The following SLC7A5 variants were observed in gnomAD, a reference collection of about 807,000 sequenced individuals.
SLC7A5 encodes solute carrier family 7 member 5, also known as large neutral amino acids transporter small subunit 1.
SLC7A5 carries 23 observed loss-of-function variants against 50.2 expected under a neutral mutation model. The observed-to-expected ratio is 0.46, with a 90% CI of 0.33 to 0.65. SLC7A5 has a LOEUF of 0.65. SLC7A5 is among the 30% of genes least tolerant of loss of function. The probability of loss-of-function intolerance (pLI) is 0.02; values close to 1 mark genes in which losing one functional copy is unlikely to be tolerated. For synonymous variants in SLC7A5, 393 were observed against 330.6 expected (o/e 1.19, Z -2.05); for missense variants, 578 against 684.4 (o/e 0.84, Z 1.73).
chr16:87,845,540 C>G (rs2055142607), intron 2 of SLC7A5, among the ~76,000 whole-genome samples: 1 of 152,026 alleles, frequency 6.6e-6, no homozygotes, highest in Non-Finnish European at 1.5e-5. Flanking sequence ...ACGCCCACCC[C>G]ACGGAGTCCA....
rs2055239009 is a variant in SLC7A5 at position 87,852,308 on chromosome 16, C to G, written c.539-459G>C. On this transcript the variant is annotated intron_variant, in intron 1 of 9. Transcript: ENST00000261622. This position sits in a 1 kb window ranked among gnomAD's most constrained non-coding sequence, Gnocchi z 4.5. The stretch of plus-strand genomic sequence containing the variant: ...TGCCGGACTCCATGAGGGCGGGGCC[C>G]TTTCCTCAAAGAGGATCTTCTGTGG... Among the ~76,000 whole-genome samples the G allele has an allele frequency of 6.6e-6, 1 of 152,212 alleles. No homozygotes were observed. Among genetic ancestry groups the G allele is most frequent in the South Asian group, 2.1e-4 (1 of 4,830 alleles).
rs3829508 is a variant in SLC7A5, at chr16:87,869,437, C to A, written c.-15G>T. On this transcript the variant is annotated 5_prime_UTR_variant, in exon 1 of 10. Transcript: ENST00000261622. ...GCACCCGCCATGCTCTGCGCACCGG[C>A]CGGGCCTGGGACACCCGGGAGCCGC... 35 of 1,435,906 alleles carry A rather than the reference C, an allele frequency of 2.4e-5. No individual in the cohort carries two copies. In the East Asian group the frequency reaches 9.2e-4, roughly 38 times the overall value. The allele number at this position is 1,435,906 out of a possible 1,614,324, so 88.9% of individuals were successfully genotyped here. A position where few individuals can be genotyped will look rare whatever the true frequency, so the allele number is the denominator to read the frequency against.
chr16:87,839,825 T>G lies in SLC7A5; in HGVS notation c.816A>C (p.Arg272Ser). The G allele has an allele frequency of 6.2e-7, 1 of 1,613,690 alleles. No homozygotes were observed. The change falls in exon 5 of 10, where the codon AGA becomes AGC. Residue 272 changes from arginine (R) to serine (S), a missense_variant and splice_region_variant. This residue lies in a region of SLC7A5 where 465 missense variants were observed against 594.6 expected (regional missense o/e 0.78). Coordinates refer to ENST00000261622, the MANE Select transcript of SLC7A5 (RefSeq NM_003486.7). Reference sequence around the variant, plus strand: ...AGATGATGATGGCCAGGGGCAGGTTTCTGGAAAGAACAGGGACGACATGTC... The same window carrying G: ...AGATGATGATGGCCAGGGGCAGGTTGCTGGAAAGAACAGGGACGACATGTC... The part of the protein sequence containing the change: ...FVTEEMINPY[R>S]NLPLAIIISL...
At chr16:87,835,128 G>A (rs988809352) in intron 8 of SLC7A5, among the ~76,000 whole-genome samples, 1 of 152,276 alleles carries the variant, frequency 6.6e-6, no homozygotes, top group South Asian at 2.1e-4. Context: ...CTGCGGCTCG[G>A]CATGGCTGGG....
rs1322902990 is a variant in SLC7A5, at chr16:87,861,264, T to C, written c.538+7621A>G. On this transcript the variant is annotated intron_variant, in intron 1 of 9. Transcript: ENST00000261622. The surrounding 1 kb of genome is among the most constrained non-coding windows in gnomAD (Gnocchi z 4.2). ...TGAGTCTGGGAAGGATGGAGAAGGG[T>C]GGAGGAGCGCAAAGGGCCCCTAGGG... 6.6e-6 allele frequency among the ~76,000 whole-genome samples: 1 copy of C among 151,912 alleles called. No homozygotes were observed. The highest frequency in any genetic ancestry group is 2.4e-5 in the African/African-American group (1 of 41,318).
At chr16:87,834,304 G>C in intron 9 of SLC7A5, 110 bp downstream of exon 9, 3 of 1,084,740 alleles carry the variant, frequency 2.8e-6, no homozygotes, top group Non-Finnish European at 2.8e-6. Flanking sequence ...GAACCCTCCT[G>C]CCACCCAACA....
intron 1 of SLC7A5, among the ~76,000 whole-genome samples, chr16:87,867,521 G>C (rs1046085000): frequency 2.6e-5 from 4 of 151,934 alleles, no homozygotes; most frequent in Non-Finnish European, 5.9e-5. Context: ...TCTTGCCCTC[G>C]GGGCATTCTC....
Position 87,836,479 on chromosome 16 carries a change from C to T in SLC7A5, c.1290+19G>A, listed in dbSNP as rs369779953. The T allele has an allele frequency of 1.3e-4, 211 of 1,606,632 alleles. 1 individual carries two copies. The highest frequency in any genetic ancestry group is 1.6e-4 in the Middle Eastern group (1 of 6,080). On this transcript the variant is annotated intron_variant, in intron 8 of 9. Transcript: ENST00000261622. The stretch of plus-strand genomic sequence containing the variant: ...CCTCTGTGAAGGGTGCCTGGGTGAG[C>T]GGGAGGCCCCGGGCTCACCTTGATG...
At chr16:87,844,840 G>A (rs952416168) in intron 2 of SLC7A5, among the ~76,000 whole-genome samples, 2 of 152,278 alleles carry the variant, frequency 1.3e-5, no homozygotes, top group African/African-American at 4.8e-5. Flanking sequence ...GTGCTGAACA[G>A]TGTCCCCAAA....
chr16:87,866,092 T>C (rs1253367122), intron 1 of SLC7A5, among the ~76,000 whole-genome samples: 1 of 148,810 alleles, frequency 6.7e-6, no homozygotes, highest in Non-Finnish European at 1.5e-5. Flanking sequence ...TCCACAGGGT[T>C]CTATGGGGGG....
At chr16:87,864,465 G>A (rs996226392) in intron 1 of SLC7A5, among the ~76,000 whole-genome samples, 1 of 152,094 alleles carries the variant, frequency 6.6e-6, no homozygotes, top group Admixed American at 6.6e-5. Flanking sequence ...CCTGTCAGAA[G>A]CCCCCCTATA....
intron 6 of SLC7A5, 105 bp from the exon 7 acceptor site, chr16:87,838,046 T>C: frequency 3.4e-6 from 3 of 891,152 alleles, no homozygotes; most frequent in Middle Eastern, 2.4e-4. Flanking sequence ...CTGGCTTGTC[T>C]GGGCCTCTCT....
chr16:87,841,221 T>C lies in SLC7A5; in HGVS notation c.665-66A>G. On this transcript the variant is annotated intron_variant, in intron 2 of 9. Coordinates refer to ENST00000261622, the MANE Select transcript of SLC7A5 (RefSeq NM_003486.7). This position sits in a 1 kb window ranked among gnomAD's most constrained non-coding sequence, Gnocchi z 4.8. ...TGAACAGAGGTCATGCTACCAGTTCTAGAATGTTCCTGGAGCAAAATACAT... is the reference window on the plus strand; with the variant it reads ...TGAACAGAGGTCATGCTACCAGTTCCAGAATGTTCCTGGAGCAAAATACAT... 1 of 1,101,890 alleles carries C rather than the reference T, an allele frequency of 9.1e-7. No homozygotes were observed. The highest frequency in any genetic ancestry group is 1.4e-6 in the Non-Finnish European group (1 of 714,990). The allele number at this position is 1,101,890 out of a possible 1,614,324, so 68.3% of individuals were successfully genotyped here. A position where few individuals can be genotyped will look rare whatever the true frequency, so the allele number is the denominator to read the frequency against.
At chr16:87,836,867 A>G (rs917834353) in intron 7 of SLC7A5, 11 of 483,328 alleles carry the variant, frequency 2.3e-5, no homozygotes, top group African/African-American at 1.8e-4. Flanking sequence ...GGAGGAGGGA[A>G]GGAGGGAGGA....
intron 1 of SLC7A5, among the ~76,000 whole-genome samples, chr16:87,863,987 ATATATATATATATATAT>A (rs1243478543): frequency 1.2e-4 from 1 of 8,626 alleles, no homozygotes; most frequent in Non-Finnish European, 1.8e-4. Context: ...TCATTTAAAA[ATATATATATATATATAT>A]ATATCAGCCG....
At position 87,851,749 on chromosome 16, in the gene SLC7A5, C is replaced by T. The variant is rs1229003730; in HGVS notation, c.639G>A (p.Leu213=). The T allele has an allele frequency of 1.2e-6, 2 of 1,613,164 alleles. No homozygotes were observed. The highest frequency in any genetic ancestry group is 1.7e-6 in the Non-Finnish European group (2 of 1,179,940). The part of the protein sequence containing the change: ...AKLLALALII[L]LGFVQIGKGD... ...CCTTCCCGATCTGGACGAAGCCCAG[C>T]AGGATGATCAGGGCCAGGGCCAGGA... The change falls in exon 2 of 10, where the codon CTG becomes CTA. Residue 213 remains leucine (L), a synonymous_variant. Coordinates refer to ENST00000261622, the MANE Select transcript of SLC7A5 (RefSeq NM_003486.7).
rs1318819955 is a variant in SLC7A5, at chr16:87,862,601, G to T, written c.538+6284C>A. 6.6e-6 allele frequency among the ~76,000 whole-genome samples: 1 copy of T among 152,328 alleles called. No individual in the cohort carries two copies. The highest frequency in any genetic ancestry group is 2.1e-4 in the South Asian group (1 of 4,826). Reference sequence around the variant, plus strand: ...TTGCTCCTTCCTTCTTTTGCCAGAGGAGAAGACAGTGAGGCTGAGGGCTGC... The same window carrying T: ...TTGCTCCTTCCTTCTTTTGCCAGAGTAGAAGACAGTGAGGCTGAGGGCTGC... On this transcript the variant is annotated intron_variant, in intron 1 of 9. Coordinates refer to ENST00000261622, the MANE Select transcript of SLC7A5 (RefSeq NM_003486.7). The surrounding 1 kb of genome is among the most constrained non-coding windows in gnomAD (Gnocchi z 5.3).
rs761095589 is a variant in SLC7A5, at chr16:87,836,478, G to A, written c.1290+20C>T. 2 of 1,606,668 alleles carry A rather than the reference G, an allele frequency of 1.2e-6. No individual in the cohort carries two copies. Among genetic ancestry groups the A allele is most frequent in the East Asian group, 2.2e-5 (1 of 44,876 alleles). ...GCCTCTGTGAAGGGTGCCTGGGTGA[G>A]CGGGAGGCCCCGGGCTCACCTTGAT... On this transcript the variant is annotated intron_variant, in intron 8 of 9. Transcript: ENST00000261622.
rs200313936 is a variant in SLC7A5, at chr16:87,839,687, C to A, written c.939+15G>T. The A allele has an allele frequency of 6.2e-7, 1 of 1,612,654 alleles. No individual in the cohort carries two copies. The highest frequency in any genetic ancestry group is 8.5e-7 in the Non-Finnish European group (1 of 1,179,668). On this transcript the variant is annotated intron_variant, in intron 5 of 9. Transcript: ENST00000261622. ...CTCTCAGGCCCCTGGTGGAAGCTGG[C>A]GGGTAGCGGCTCACCACGGCCACGG... is the stretch of plus-strand genomic sequence containing the variant.
Sources: gnomAD v4.1 joint callset for allele counts (sites outside exome capture counted in the v4.1 genomes callset) on GRCh38, gnomAD v4.1.1 for gene constraint, gnomAD v4.1.1 regional missense constraint, Gnocchi (gnomAD v3.1) non-coding constraint, MANE v1.5 for transcripts, NCBI Gene and HGNC (gene_info 2026-07-23, HGNC 2026-07-21) for gene names.